The following PDE11A variants were observed in gnomAD, a reference collection of about 807,000 sequenced individuals.
PDE11A encodes the protein dual 3',5'-cyclic-AMP and -GMP phosphodiesterase 11A.
Under a neutral mutation model 100.5 loss-of-function variants are expected in PDE11A, and 100 were observed. That is an observed-to-expected ratio of 1.00 (90% CI 0.85 to 1.18). PDE11A has a LOEUF of 1.18. Among genes scored for constraint, PDE11A ranks in the 50% most tolerant of loss-of-function variants. The pLI, the probability that PDE11A is intolerant of heterozygous loss-of-function variation, is 0.00. For synonymous variants in PDE11A, 381 were observed against 420.8 expected (o/e 0.91, Z 1.16); for missense variants, 1,141 against 1,152.6 (o/e 0.99, Z 0.15).
intron 1 of PDE11A, among the ~76,000 whole-genome samples, chr2:178,036,623 T>C (rs1389926098): frequency 1.3e-5 from 2 of 152,142 alleles, no homozygotes; most frequent in African/African-American, 2.4e-5. Flanking sequence ...CTTTAAACTA[T>C]ACTACAAGTC....
At position 177,629,435 on chromosome 2, in the gene PDE11A, A is replaced by G. The variant is rs773701952; in HGVS notation, c.2774T>C (p.Val925Ala). The G allele has an allele frequency of 1.3e-6, 2 of 1,569,920 alleles. No homozygotes were observed. Among genetic ancestry groups the G allele is most frequent in the Non-Finnish European group, 1.7e-6 (2 of 1,156,378 alleles). The change falls in exon 20 of 20, where the codon GTT becomes GCT. Residue 925 changes from valine to alanine, a missense_variant. Transcript: ENST00000286063. The part of the protein sequence containing the change: ...ASTASSSPAS[V>A]MVAKEDRN ...GTTCCTGTCTTCCTTGGCTACCATA[A>G]CACTGGCAGGGGAGGATGAGGCAGT...
In PDE11A at chr2:178,072,322, A is replaced by G; in HGVS notation, c.116T>C (p.Leu39Pro). Residue 39 changes from leucine to proline, a missense_variant, in exon 1 of 20, where the codon CTG becomes CCG. Physicochemically the swap from Leu to Pro is moderately conservative, Grantham distance 98. Coordinates refer to ENST00000286063, the MANE Select transcript of PDE11A (RefSeq NM_016953.4). ...KGKQEMVEKW[L>P]QRHSQGQGAL... ...CCCCTGACCCTGACTGTGCCTCTGC[A>G]GCCACTTTTCAACCATCTCCTGCTT... The G allele has an allele frequency of 6.2e-7, 1 of 1,614,186 alleles. No individual in the cohort carries two copies. Among genetic ancestry groups the G allele is most frequent in the Non-Finnish European group, 8.5e-7 (1 of 1,180,026 alleles).
At chr2:177,778,711 A>G (rs917235158) in intron 9 of PDE11A, among the ~76,000 whole-genome samples, 1 of 152,248 alleles carries the variant, frequency 6.6e-6, no homozygotes, top group Non-Finnish European at 1.5e-5. Flanking sequence ...TCATCTAACT[A>G]TATGAAGAAC....
chr2:177,726,615 C>T (rs1195706100), intron 12 of PDE11A, among the ~76,000 whole-genome samples: 1 of 149,750 alleles, frequency 6.7e-6, no homozygotes, highest in Non-Finnish European at 1.5e-5. Flanking sequence ...TAGATGAATG[C>T]CTTAAAGGAT....
intron 12 of PDE11A, among the ~76,000 whole-genome samples, chr2:177,718,659 A>G (rs1257840809): frequency 1.3e-5 from 2 of 152,236 alleles, no homozygotes; most frequent in Non-Finnish European, 2.9e-5. Flanking sequence ...TATGTATAGG[A>G]AAAAGACTGT....
intron 2 of PDE11A, among the ~76,000 whole-genome samples, chr2:178,095,930 T>G (rs1046780985): frequency 1.3e-5 from 2 of 152,168 alleles, no homozygotes; most frequent in Admixed American, 1.3e-4. Flanking sequence ...ATCCCAAGGA[T>G]GCACAGAGCA....
intron 19 of PDE11A, among the ~76,000 whole-genome samples, chr2:177,643,969 G>A (rs753542488): frequency 1.2e-4 from 19 of 152,246 alleles, no homozygotes; most frequent in Non-Finnish European, 2.2e-4. Context: ...TTGAGGTTTG[G>A]GAATCTCTGC....
intron 2 of PDE11A, among the ~76,000 whole-genome samples, chr2:177,933,076 A>ACT (rs2085227956): frequency 6.7e-6 from 1 of 150,336 alleles, no homozygotes; most frequent in African/African-American, 2.5e-5. Flanking sequence ...AGCCACACAC[A>ACT]CACACACACA....
intron 5 of PDE11A, among the ~76,000 whole-genome samples, chr2:177,854,761 C>T (rs1007936566): frequency 2.6e-5 from 4 of 152,132 alleles, no homozygotes; most frequent in African/African-American, 9.7e-5. Flanking sequence ...CAGAATTCAA[C>T]TTCTGGCACC....
At chr2:177,778,964 T>A (rs879477381) in intron 9 of PDE11A, among the ~76,000 whole-genome samples, 17 of 147,846 alleles carry the variant, frequency 1.1e-4, no homozygotes, top group Admixed American at 7.4e-4. Flanking sequence ...TTCATTTTTT[T>A]AAAATTGAAA....
At chr2:177,904,323 C>A (rs1163633013) in intron 3 of PDE11A, among the ~76,000 whole-genome samples, 3 of 152,068 alleles carry the variant, frequency 2.0e-5, no homozygotes, top group African/African-American at 7.2e-5. Context: ...TTCCAAGTAT[C>A]TAGTGAAGGG....
At chr2:177,878,572 A>G (rs2084278335) in intron 4 of PDE11A, among the ~76,000 whole-genome samples, 1 of 152,190 alleles carries the variant, frequency 6.6e-6, no homozygotes, top group African/African-American at 2.4e-5. Context: ...TTTTTCACAC[A>G]TTATAAACAA....
intron 1 of PDE11A, among the ~76,000 whole-genome samples, chr2:178,041,960 A>G (rs2086688064): frequency 6.6e-6 from 1 of 152,240 alleles, no homozygotes; most frequent in South Asian, 2.1e-4. Context: ...TGATCACACA[A>G]AAGTAATTTT....
chr2:177,784,871 G>T (rs1223959166), intron 9 of PDE11A, among the ~76,000 whole-genome samples: 1 of 152,148 alleles, frequency 6.6e-6, no homozygotes, highest in Non-Finnish European at 1.5e-5. Context: ...AATTGCCCTA[G>T]GCTTGTAGTC....
intron 2 of PDE11A, among the ~76,000 whole-genome samples, chr2:178,082,387 A>T (rs983797030): frequency 5.3e-5 from 8 of 152,214 alleles, no homozygotes; most frequent in African/African-American, 1.9e-4. Context: ...CCATTTTTTA[A>T]TAGTAAAACC....
chr2:178,104,210 C>G, intron 2 of PDE11A: 2 of 1,241,372 alleles, frequency 1.6e-6, no homozygotes, highest in Non-Finnish European at 2.4e-6. Context: ...ATTTTTAACG[C>G]TGCAAATTAG....
At chr2:178,101,828 T>G (rs2087562499) in intron 2 of PDE11A, among the ~76,000 whole-genome samples, 2 of 152,160 alleles carry the variant, frequency 1.3e-5, no homozygotes, top group Admixed American at 1.3e-4. Context: ...ACAATGATAT[T>G]GTGTTAATAA....
At chr2:177,942,155 G>C (rs941558374) in intron 2 of PDE11A, among the ~76,000 whole-genome samples, 1 of 152,210 alleles carries the variant, frequency 6.6e-6, no homozygotes, top group Non-Finnish European at 1.5e-5. Context: ...CCAGATTGCT[G>C]AGGTTGGGAC....
At chr2:177,864,938 A>C (rs1378607025) in intron 5 of PDE11A, among the ~76,000 whole-genome samples, 1 of 152,176 alleles carries the variant, frequency 6.6e-6, no homozygotes, top group African/African-American at 2.4e-5. Context: ...TAGGCTTAGA[A>C]TTCTGAGCCT....
Sources: allele counts gnomAD v4.1 joint callset (sites outside exome capture counted in the v4.1 genomes callset), GRCh38; gene constraint gnomAD v4.1.1; transcripts MANE v1.5; gene names NCBI Gene and HGNC (gene_info 2026-07-23, HGNC 2026-07-21).